The following DLG2 variants were observed in gnomAD, a reference collection of about 807,000 sequenced individuals.
The protein encoded by DLG2 is disks large homolog 2.
In DLG2, 45 loss-of-function variants were observed where a neutral mutation model predicts 132.5. The observed-to-expected ratio is 0.34, with a 90% confidence interval of 0.27 to 0.44. The LOEUF is 0.44. Ranked by LOEUF, DLG2 falls within the 20% of genes least tolerant of loss-of-function variation. DLG2 has a pLI of 1.00. For synonymous variants in DLG2, 424 were observed against 419.6 expected, an observed-to-expected ratio of 1.01 and a Z score of -0.13; for missense variants, 1,045 against 1,196.9, an observed-to-expected ratio of 0.87 and a Z score of 1.87.
At chr11:84,841,452 C>T (rs907893711) in intron 6 of DLG2, among the ~76,000 whole-genome samples, 2 of 151,932 alleles carry the variant, frequency 1.3e-5, no homozygotes, top group East Asian at 1.9e-4. Context: ...AAATCAAATG[C>T]TAATTTAGAC....
intron 6 of DLG2, among the ~76,000 whole-genome samples, chr11:84,567,891 G>T (rs979468065): frequency 6.6e-6 from 1 of 152,116 alleles, no homozygotes; most frequent in African/African-American, 2.4e-5. Context: ...ATCTAAAAAG[G>T]GTAAGAAGAC....
chr11:84,195,644 G>A (rs1295117401), intron 8 of DLG2, among the ~76,000 whole-genome samples: 1 of 152,164 alleles, frequency 6.6e-6, no homozygotes, highest in African/African-American at 2.4e-5. Flanking sequence ...CCCTCATCTA[G>A]AAAATTGGGA....
intron 9 of DLG2, among the ~76,000 whole-genome samples, chr11:84,111,096 T>C (rs2093326156): frequency 6.6e-6 from 1 of 152,190 alleles, no homozygotes; most frequent in African/African-American, 2.4e-5. Flanking sequence ...TGTTTATATG[T>C]TTATTTTCCC....
chr11:84,318,837 C>T (rs995495419), intron 7 of DLG2, among the ~76,000 whole-genome samples: 1 of 152,122 alleles, frequency 6.6e-6, no homozygotes, highest in African/African-American at 2.4e-5. Context: ...CTCTAAGCAC[C>T]TTTCACACCG....
intron 9 of DLG2, among the ~76,000 whole-genome samples, chr11:84,134,538 A>T (rs2094531904): frequency 6.6e-6 from 1 of 152,088 alleles, no homozygotes; most frequent in Non-Finnish European, 1.5e-5. Flanking sequence ...CTAGGCACAC[A>T]CACAGTGTCT....
intron 21 of DLG2, among the ~76,000 whole-genome samples, chr11:83,489,030 A>C (rs1157866757): frequency 9.9e-5 from 15 of 152,064 alleles, no homozygotes; most frequent in Admixed American, 9.8e-4. Context: ...TAATTAAAAA[A>C]AGATTACTTC....
At chr11:83,866,768 C>G (rs1232557564) in intron 16 of DLG2, among the ~76,000 whole-genome samples, 1 of 152,026 alleles carries the variant, frequency 6.6e-6, no homozygotes, top group Non-Finnish European at 1.5e-5. Flanking sequence ...ATAAACATCT[C>G]TAACTTCAAT....
rs554167814 is a variant in DLG2 at position 84,104,547 on chromosome 11, G to A, written c.625-5500C>T. Among the ~76,000 whole-genome samples, 4 of 152,076 alleles carry A rather than the reference G, an allele frequency of 2.6e-5. No individual in the cohort carries two copies. The South Asian group carries it at 8.3e-4, about 32-fold the overall frequency. ...CACATGATATAACTTTTTAATAAAT[G>A]TGCACATGAACCCCCAGAATCTAAA... On this transcript the variant is annotated intron_variant, in intron 9 of 27. Coordinates refer to ENST00000376104, the MANE Select transcript of DLG2 (RefSeq NM_001142699.3).
At chr11:85,518,171 T>C (rs1273027397) in intron 3 of DLG2, among the ~76,000 whole-genome samples, 2 of 151,990 alleles carry the variant, frequency 1.3e-5, no homozygotes, top group African/African-American at 2.4e-5. Context: ...TACCTGAAAA[T>C]GTGGAAGTGA....
chr11:84,230,643 C>A (rs1011871592), intron 8 of DLG2, among the ~76,000 whole-genome samples: 6 of 152,030 alleles, frequency 3.9e-5, no homozygotes, highest in Non-Finnish European at 7.4e-5. Flanking sequence ...AAACTGAATA[C>A]ATGATCAACT....
chr11:84,349,590 A>C (rs2098553678), intron 7 of DLG2, among the ~76,000 whole-genome samples: 1 of 152,244 alleles, frequency 6.6e-6, no homozygotes, highest in African/African-American at 2.4e-5. Flanking sequence ...GGTCATGTAC[A>C]GTAGGTCTAA....
At chr11:85,195,915 A>T (rs1163609487) in intron 4 of DLG2, among the ~76,000 whole-genome samples, 1 of 152,204 alleles carries the variant, frequency 6.6e-6, no homozygotes, top group East Asian at 1.9e-4. Flanking sequence ...GTAAAATTTC[A>T]TATACTTTGG....
chr11:85,335,917 A>C (rs2082094562), intron 3 of DLG2, among the ~76,000 whole-genome samples: 1 of 152,186 alleles, frequency 6.6e-6, no homozygotes, highest in Non-Finnish European at 1.5e-5. Flanking sequence ...CATGTTCTGC[A>C]CATGTACCCC....
chr11:84,481,754 A>T (rs1286083391), intron 7 of DLG2, among the ~76,000 whole-genome samples: 1 of 152,072 alleles, frequency 6.6e-6, no homozygotes, highest in African/African-American at 2.4e-5. Context: ...TTCTATCAAA[A>T]TTGCTTATGT....
At chr11:83,703,427 A>G (rs923337081) in intron 18 of DLG2, among the ~76,000 whole-genome samples, 5 of 152,350 alleles carry the variant, frequency 3.3e-5, no homozygotes, top group East Asian at 1.9e-4. Context: ...AGGCAGGTGG[A>G]TCACCTGAGG....
intron 6 of DLG2, among the ~76,000 whole-genome samples, chr11:84,637,790 G>C (rs2099643312): frequency 6.6e-6 from 1 of 152,166 alleles, no homozygotes. Context: ...GGAGCTTTTG[G>C]TTTACAGTGC....
At chr11:84,893,644 G>A (rs957924479) in intron 6 of DLG2, among the ~76,000 whole-genome samples, 1 of 152,078 alleles carries the variant, frequency 6.6e-6, no homozygotes, top group African/African-American at 2.4e-5. Context: ...AAAGTAGGAG[G>A]ATTAAATATA....
intron 8 of DLG2, among the ~76,000 whole-genome samples, chr11:84,202,995 A>G (rs575270743): frequency 1.4e-4 from 21 of 152,348 alleles, no homozygotes; most frequent in African/African-American, 4.8e-4. Flanking sequence ...AGAAAAAGGA[A>G]AGCTTTTACA....
intron 4 of DLG2, among the ~76,000 whole-genome samples, chr11:85,198,180 A>G (rs1057116858): frequency 6.6e-6 from 1 of 152,152 alleles, no homozygotes; most frequent in South Asian, 2.1e-4. Context: ...GGGATAATGG[A>G]AAAAGCACTA....
Sources: gnomAD v4.1 joint callset for allele counts (sites outside exome capture counted in the v4.1 genomes callset) on GRCh38, gnomAD v4.1.1 for gene constraint, MANE v1.5 for transcripts, NCBI Gene and HGNC (gene_info 2026-07-23, HGNC 2026-07-21) for gene names.